SLC38A6: variants seen among roughly 807,000 people sequenced by gnomAD.
SLC38A6 encodes N system amino acid transporter NAT-1.
A neutral mutation model predicts 65.0 loss-of-function variants in SLC38A6; 73 were observed. The ratio of observed to expected loss-of-function variants is 1.12; its 90% confidence interval spans 0.93 to 1.37. The LOEUF is 1.37. SLC38A6 is among the 40% of genes most tolerant of loss of function. SLC38A6 has a pLI of 0.00. For missense variants in SLC38A6, 561 were observed against 531.1 expected, an observed-to-expected ratio of 1.06 and a Z score of -0.55; for synonymous variants, 183 against 178.8, an observed-to-expected ratio of 1.02 and a Z score of -0.19.
At chr14:61,070,627 A>C (rs2043196912) in intron 15 of SLC38A6, among the ~76,000 whole-genome samples, 2 of 152,160 alleles carry the variant, frequency 1.3e-5, no homozygotes, top group South Asian at 2.1e-4. Flanking sequence ...TTTTTGAAGA[A>C]TCTCTATACT....
chr14:61,001,133 A>G (rs919148014), intron 3 of SLC38A6, among the ~76,000 whole-genome samples: 2 of 152,126 alleles, frequency 1.3e-5, no homozygotes, highest in African/African-American at 4.8e-5. Context: ...GCATTTGGCA[A>G]TGTCTGGAGG....
intron 3 of SLC38A6, among the ~76,000 whole-genome samples, chr14:61,011,683 T>C (rs886175039): frequency 6.6e-5 from 10 of 152,236 alleles, no homozygotes; most frequent in Non-Finnish European, 1.2e-4. Flanking sequence ...CTGGATTACA[T>C]TTATTGATTT....
At chr14:61,060,839 A>C (rs2042808484) in intron 15 of SLC38A6, among the ~76,000 whole-genome samples, 1 of 114,918 alleles carries the variant, frequency 8.7e-6, no homozygotes. Flanking sequence ...CCGTTTCTTA[A>C]GCCGGTCTGA....
intron 3 of SLC38A6, among the ~76,000 whole-genome samples, chr14:60,995,181 T>C (rs772131506): frequency 3.9e-5 from 6 of 152,220 alleles, no homozygotes; most frequent in Non-Finnish European, 5.9e-5. Flanking sequence ...TATGCTCCCA[T>C]GTTCATTGCA....
intron 16 of SLC38A6, among the ~76,000 whole-genome samples, chr14:61,080,472 C>A (rs2043599392): frequency 6.6e-6 from 1 of 152,234 alleles, no homozygotes. Context: ...ATATCTTACA[C>A]TGCCTGTACC....
At chr14:61,052,267 A>T in intron 15 of SLC38A6, 82 bp from the exon 16 acceptor site, 1 of 1,332,656 alleles carries the variant, frequency 7.5e-7, no homozygotes, top group South Asian at 1.4e-5. Context: ...GAGAGTAGAG[A>T]TTTAACAAAT....
At chr14:61,012,134 T>G (rs1244824017) in intron 3 of SLC38A6, among the ~76,000 whole-genome samples, 1 of 152,196 alleles carries the variant, frequency 6.6e-6, no homozygotes, top group Admixed American at 6.5e-5. Flanking sequence ...GTCAAGGAAT[T>G]TATCCATTTC....
intron 12 of SLC38A6, among the ~76,000 whole-genome samples, chr14:61,049,811 C>G (rs2042398113): frequency 6.6e-6 from 1 of 152,104 alleles, no homozygotes; most frequent in South Asian, 2.1e-4. Flanking sequence ...TCTGAGCACC[C>G]TCAGTCTTCT....
intron 15 of SLC38A6, among the ~76,000 whole-genome samples, chr14:61,068,844 G>A (rs889296760): frequency 1.3e-5 from 2 of 152,126 alleles, no homozygotes; most frequent in Admixed American, 6.5e-5. Context: ...CTTAATATTT[G>A]TTGAATGAAT....
chr14:60,982,968 C>G (rs2037174915), intron 2 of SLC38A6, among the ~76,000 whole-genome samples: 2 of 152,132 alleles, frequency 1.3e-5, no homozygotes, highest in Non-Finnish European at 2.9e-5. Flanking sequence ...TTCCAAATAG[C>G]AATTTTGTGA....
chr14:61,013,064 G>A (rs564192063), intron 3 of SLC38A6, among the ~76,000 whole-genome samples: 1 of 152,042 alleles, frequency 6.6e-6, no homozygotes, highest in East Asian at 1.9e-4. Context: ...GAATCTGGGT[G>A]CTCCTGTATT....
At chr14:60,981,552 G>A (rs1056841458) in intron 1 of SLC38A6, 170 bp downstream of exon 1, 3 of 1,529,814 alleles carry the variant, frequency 2.0e-6, no homozygotes, top group African/African-American at 1.4e-5. Context: ...TGAGATTGGC[G>A]CAGTTATGAA....
chr14:61,018,121 T>G (rs1174353203), intron 4 of SLC38A6, among the ~76,000 whole-genome samples: 1 of 152,166 alleles, frequency 6.6e-6, no homozygotes, highest in Non-Finnish European at 1.5e-5. Flanking sequence ...TTTCAAGATA[T>G]TAAATGCTTA....
intron 3 of SLC38A6, among the ~76,000 whole-genome samples, chr14:61,006,783 G>C (rs2039155337): frequency 6.6e-6 from 1 of 152,116 alleles, no homozygotes. Flanking sequence ...CAGGGATCTA[G>C]AACTAGAAAT....
intron 4 of SLC38A6, among the ~76,000 whole-genome samples, chr14:61,018,980 A>G (rs2040186875): frequency 6.6e-6 from 1 of 152,130 alleles, no homozygotes. Context: ...CCATTGTCTT[A>G]TATTCAGCTT....
chr14:61,004,105 G>A lies in SLC38A6; in HGVS notation c.311-11799G>A, dbSNP rs116849436. ...TAGTTTGATTACATTTTCTCAAACA[G>A]TAACTGTTGTGTTTTAATTTTTTAA... On this transcript the variant is annotated intron_variant, in intron 3 of 15. Coordinates refer to ENST00000267488, the MANE Select transcript of SLC38A6 (RefSeq NM_153811.3). Among the ~76,000 whole-genome samples the A allele has an allele frequency of 1.7e-3, 266 of 152,254 alleles. No individual in the cohort carries two copies. The East Asian group carries it at 0.028, about 16-fold the overall frequency.
intron 3 of SLC38A6, among the ~76,000 whole-genome samples, chr14:60,993,773 T>C (rs1318933045): frequency 6.6e-6 from 1 of 152,208 alleles, no homozygotes; most frequent in East Asian, 1.9e-4. Context: ...TTTTAATGCA[T>C]CACACTTACG....
intron 2 of SLC38A6, among the ~76,000 whole-genome samples, chr14:60,983,499 A>G (rs571116842): frequency 1.3e-5 from 2 of 152,260 alleles, no homozygotes; most frequent in Admixed American, 6.5e-5. Flanking sequence ...AAATAGAAAA[A>G]TCCTTTATAA....
At chr14:61,083,666 A>G in exon 17 of SLC38A6, 1 of 1,550,208 alleles carries the variant, frequency 6.5e-7, no homozygotes, top group Non-Finnish European at 8.7e-7. Flanking sequence ...AAACGTGTCC[A>G]CACCTTGATC....
Sources: gnomAD v4.1 joint callset for allele counts (sites outside exome capture counted in the v4.1 genomes callset) on GRCh38, gnomAD v4.1.1 for gene constraint, MANE v1.5 for transcripts, NCBI Gene and HGNC (gene_info 2026-07-23, HGNC 2026-07-21) for gene names.